The following ERLEC1 variants were observed in gnomAD, a reference collection of about 807,000 sequenced individuals.
ERLEC1 encodes ER lectin.
In ERLEC1, 47 loss-of-function variants were observed where a neutral mutation model predicts 68.0. The ratio of observed to expected loss-of-function variants is 0.69; its 90% CI spans 0.55 to 0.88. ERLEC1 has a LOEUF of 0.88. ERLEC1 is among the 40% of genes least tolerant of loss of function. The pLI is 0.00. For missense variants in ERLEC1, 567 were observed against 583.8 expected, an observed-to-expected ratio of 0.97 and a Z score of 0.30; for synonymous variants, 225 against 203.2, an observed-to-expected ratio of 1.11 and a Z score of -0.91.
intron 13 of ERLEC1, 60 bp downstream of exon 13, chr2:53,814,995 CTTTTTTTTTTTTT>C (rs777632156): frequency 8.6e-6 from 4 of 467,766 alleles, no homozygotes; most frequent in Non-Finnish European, 1.3e-5. Context: ...ATTTTTTTTT[CTTTTTTTTTTTTT>C]TTTTTTTTGT....
chr2:53,787,096 G>A lies in ERLEC1; in HGVS notation c.-115G>A. 3 of 1,352,142 alleles carry A rather than the reference G, an allele frequency of 2.2e-6. No individual in the cohort carries two copies. Among genetic ancestry groups the A allele is most frequent in the South Asian group, 1.6e-5 (1 of 61,820 alleles). 83.8% of individuals were successfully genotyped at this position (1,352,142 alleles called of 1,614,324 possible). On this transcript the variant is annotated 5_prime_UTR_variant, in exon 1 of 14. In the 5' UTR this introduces an upstream ATG that the reference lacks. Coordinates refer to ENST00000185150, the MANE Select transcript of ERLEC1 (RefSeq NM_015701.5). ...AGGAGACGTGGCGGCGGTTGGGCCG[G>A]TGATACCCGGGCGCTTTATAGTCCC...
At chr2:53,807,613 T>C (rs1299302537) in intron 8 of ERLEC1, among the ~76,000 whole-genome samples, 1 of 152,214 alleles carries the variant, frequency 6.6e-6, no homozygotes, top group Non-Finnish European at 1.5e-5. Flanking sequence ...CCAGCTCTCT[T>C]TACCCTGTTT....
In ERLEC1 at chr2:53,801,583, A is replaced by G. The variant is rs1188974331; in HGVS notation, c.712A>G (p.Ile238Val). 4 of 1,613,992 alleles carry G rather than the reference A, an allele frequency of 2.5e-6. No homozygotes were observed. Among genetic ancestry groups the G allele is most frequent in the East Asian group, 4.5e-5 (2 of 44,890 alleles). The change falls in exon 7 of 14, where the codon ATT (isoleucine) becomes GTT (valine). Residue 238 changes from isoleucine (I) to valine (V), a missense_variant. By Grantham distance (29) the Ile-to-Val change is conservative (BLOSUM62 3). Transcript: ENST00000185150. ...TACAACTTGTGAATATGAAGTTGTC[A>G]TTTTGACACCACTCTTGTGCAGTCA... ...EVTTCEYEVVILTPLLCSHPK... is the reference protein window; with the variant it reads ...EVTTCEYEVVVLTPLLCSHPK...
intron 8 of ERLEC1, among the ~76,000 whole-genome samples, chr2:53,803,531 A>C (rs1451131985): frequency 6.6e-6 from 1 of 151,564 alleles, no homozygotes; most frequent in African/African-American, 2.4e-5. Context: ...TGGGAGGCCG[A>C]GGCAGGAGGA....
chr2:53,805,041 C>G (rs1676213147), intron 8 of ERLEC1, among the ~76,000 whole-genome samples: 1 of 129,758 alleles, frequency 7.7e-6, no homozygotes, highest in Non-Finnish European at 1.6e-5. Flanking sequence ...GTTGCCCAGG[C>G]TGGAGTGCAG....
In ERLEC1 at chr2:53,790,115, A is replaced by G. The variant is rs1275153769; in HGVS notation, c.162+2743A>G. 3.3e-5 allele frequency among the ~76,000 whole-genome samples: 5 copies of G among 150,900 alleles called. No homozygotes were observed. In the East Asian group the frequency reaches 5.9e-4, roughly 18 times the overall value. On this transcript the variant is annotated intron_variant, in intron 1 of 13. Coordinates refer to ENST00000185150, the MANE Select transcript of ERLEC1 (RefSeq NM_015701.5). ...AGTTGGTTGGACATTTGTGTTTGTGACAGAGTCTCGCTCTGTCACCCAGGC... is the reference window on the plus strand; with the variant it reads ...AGTTGGTTGGACATTTGTGTTTGTGGCAGAGTCTCGCTCTGTCACCCAGGC...
At chr2:53,798,013 G>A (rs538794571) in intron 5 of ERLEC1, among the ~76,000 whole-genome samples, 11 of 152,208 alleles carry the variant, frequency 7.2e-5, no homozygotes, top group Non-Finnish European at 1.5e-4. Flanking sequence ...TGGCTAACAC[G>A]GTGAAACCCC....
At chr2:53,790,519 A>C (rs1034487471) in intron 1 of ERLEC1, among the ~76,000 whole-genome samples, 9 of 152,220 alleles carry the variant, frequency 5.9e-5, no homozygotes, top group Admixed American at 3.9e-4. Context: ...TTTAAGCTTT[A>C]AAATTGTCTG....
At chr2:53,798,996 G>T (rs556192971) in intron 5 of ERLEC1, 51 bp from the exon 6 acceptor site, 4 of 1,555,560 alleles carry the variant, frequency 2.6e-6, no homozygotes, top group East Asian at 2.3e-5. Context: ...TTACTCATTT[G>T]TACCACATAT....
intron 13 of ERLEC1, 80 bp downstream of exon 13, chr2:53,815,015 T>TTTTTTTTTTC: frequency 1.2e-6 from 1 of 862,522 alleles, no homozygotes; most frequent in Non-Finnish European, 1.7e-6. Context: ...TTTTTTTTTT[T>TTTTTTTTTTC]TGTTTTTTTG....
chr2:53,814,989 T>A, intron 13 of ERLEC1, 54 bp downstream of exon 13: 1 of 1,074,804 alleles, frequency 9.3e-7, no homozygotes, highest in Non-Finnish European at 1.3e-6. Flanking sequence ...GTTTTAATTT[T>A]TTTTTCTTTT....
intron 12 of ERLEC1, 75 bp downstream of exon 12, chr2:53,814,695 A>C: frequency 8.9e-7 from 1 of 1,122,418 alleles, no homozygotes; most frequent in Non-Finnish European, 1.3e-6. Context: ...TTTTATGTAA[A>C]CAGTATAATT....
intron 8 of ERLEC1, among the ~76,000 whole-genome samples, chr2:53,806,855 C>G (rs1009732381): frequency 3.6e-4 from 55 of 152,180 alleles, no homozygotes; most frequent in African/African-American, 1.3e-3. Context: ...GGTCTACATT[C>G]ATTTCTTTGC....
chr2:53,810,537 A>G (rs1377744418), intron 10 of ERLEC1, among the ~76,000 whole-genome samples: 1 of 152,206 alleles, frequency 6.6e-6, no homozygotes, highest in African/African-American at 2.4e-5. Context: ...ACAAGCTTTA[A>G]TTAATGAATA....
At position 53,801,713 on chromosome 2, in the gene ERLEC1, G is replaced by T; in HGVS notation, c.750G>T (p.Arg250Ser). Residue 250 changes from arginine to serine, a missense_variant and splice_region_variant, in exon 8 of 14, where the codon AGG (arginine) becomes AGT (serine). Arg to Ser is a moderately radical substitution (Grantham distance 110, BLOSUM62 -1). Transcript: ENST00000185150. ...TPLLCSHPKY[R>S]FRASPVNDIF... The stretch of plus-strand genomic sequence containing the variant: ...TTAATGCTTTGTTCCTACTGAACAG[G>T]TTCAGAGCATCTCCTGTGAATGACA... The T allele has an allele frequency of 6.2e-7, 1 of 1,613,996 alleles. No homozygotes were observed. The highest frequency in any genetic ancestry group is 1.7e-5 in the Admixed American group (1 of 60,004).
chr2:53,796,676 C>G (rs973936910), intron 3 of ERLEC1, among the ~76,000 whole-genome samples: 1 of 151,848 alleles, frequency 6.6e-6, no homozygotes, highest in Admixed American at 6.6e-5. Context: ...TCTCAGACTC[C>G]TGAACTCAAG....
At chr2:53,793,794 A>G (rs1558591849) in intron 1 of ERLEC1, among the ~76,000 whole-genome samples, 1 of 152,170 alleles carries the variant, frequency 6.6e-6, no homozygotes, top group Middle Eastern at 3.4e-3. Context: ...TTATTTTCCT[A>G]TTATGACACA....
At chr2:53,803,463 T>G (rs1203662793) in intron 8 of ERLEC1, among the ~76,000 whole-genome samples, 1 of 152,166 alleles carries the variant, frequency 6.6e-6, no homozygotes, top group Non-Finnish European at 1.5e-5. Context: ...AGTTTACTTC[T>G]CTTTAAATAA....
chr2:53,795,457 C>T (rs1675643029), intron 2 of ERLEC1, among the ~76,000 whole-genome samples: 1 of 151,702 alleles, frequency 6.6e-6, no homozygotes, highest in African/African-American at 2.4e-5. Context: ...CACACACACA[C>T]ACGCACACGG....
Sources: gnomAD v4.1 joint callset for allele counts (sites outside exome capture counted in the v4.1 genomes callset) on GRCh38, gnomAD v4.1.1 for gene constraint, MANE v1.5 for transcripts, NCBI Gene and HGNC (gene_info 2026-07-23, HGNC 2026-07-21) for gene names.